Variants in LRRC3B observed in about 807,000 individuals in gnomAD.
LRRC3B encodes the protein leucine-rich repeat-containing protein 3B.
A neutral mutation model predicts 12.8 loss-of-function variants in LRRC3B; 2 were observed. The observed-to-expected ratio is 0.16, with a 90% CI of 0.06 to 0.49. The LOEUF (loss-of-function observed/expected upper bound fraction) is 0.49, where lower values mean the gene tolerates loss of function less well. Ranked by LOEUF, LRRC3B falls within the 20% of genes least tolerant of loss-of-function variation. The pLI, the probability that LRRC3B is intolerant of heterozygous loss-of-function variation, is 0.96. For synonymous variants in LRRC3B, 132 were observed against 122.0 expected (o/e 1.08, Z -0.54); for missense variants, 189 against 319.4 (o/e 0.59, Z 3.11).
intron 1 of LRRC3B, among the ~76,000 whole-genome samples, chr3:26,653,626 A>G (rs1699310344): frequency 1.3e-5 from 2 of 152,176 alleles, no homozygotes; most frequent in African/African-American, 4.8e-5. Flanking sequence ...CAGTAAGATA[A>G]CCTGAAGTCT....
At chr3:26,646,799 G>T (rs1312178761) in intron 1 of LRRC3B, among the ~76,000 whole-genome samples, 1 of 152,078 alleles carries the variant, frequency 6.6e-6, no homozygotes, top group Middle Eastern at 3.4e-3. Flanking sequence ...CAGATGGTAG[G>T]GTGTGGGTGA....
intron 1 of LRRC3B, among the ~76,000 whole-genome samples, chr3:26,691,184 G>A (rs547170631): frequency 7.5e-4 from 108 of 144,276 alleles, no homozygotes; most frequent in Admixed American, 9.3e-4. Context: ...ATGATCTCCC[G>A]TGTGATCATT....
intron 1 of LRRC3B, among the ~76,000 whole-genome samples, chr3:26,697,959 A>G (rs947991055): frequency 2.0e-5 from 3 of 152,268 alleles, no homozygotes; most frequent in Admixed American, 6.5e-5. Context: ...TGATTTACCT[A>G]TGTCTCTGAA....
At chr3:26,652,386 G>T (rs1235137213) in intron 1 of LRRC3B, among the ~76,000 whole-genome samples, 1 of 152,192 alleles carries the variant, frequency 6.6e-6, no homozygotes, top group Non-Finnish European at 1.5e-5. Flanking sequence ...TATGCTGCCG[G>T]GAAGTGTTAG....
At chr3:26,666,656 A>G (rs1164391948) in intron 1 of LRRC3B, among the ~76,000 whole-genome samples, 3 of 152,176 alleles carry the variant, frequency 2.0e-5, no homozygotes, top group Non-Finnish European at 4.4e-5. Context: ...TTCACATATT[A>G]TTCTGGTACA....
At chr3:26,696,958 C>G (rs1478272454) in intron 1 of LRRC3B, among the ~76,000 whole-genome samples, 1 of 152,110 alleles carries the variant, frequency 6.6e-6, no homozygotes, top group Non-Finnish European at 1.5e-5. Flanking sequence ...ATTGTTTTGA[C>G]TGTTTTAGAT....
At position 26,686,283 on chromosome 3, in the gene LRRC3B, G is replaced by A. The variant is rs1700087507; in HGVS notation, c.-160-23230G>A. 2.0e-5 allele frequency among the ~76,000 whole-genome samples: 3 copies of A among 152,256 alleles called. No homozygotes were observed. In the South Asian group the frequency reaches 6.2e-4, roughly 32 times the overall value. On this transcript the variant is annotated intron_variant, in intron 1 of 1. Transcript: ENST00000396641. ...TTTAGTAAAGATGGGGTTTCTCCATGTTAGCCAGGATTGTCTCGATCTCCT... is the reference window on the plus strand; with the variant it reads ...TTTAGTAAAGATGGGGTTTCTCCATATTAGCCAGGATTGTCTCGATCTCCT...
chr3:26,687,497 C>A (rs748157875), intron 1 of LRRC3B, among the ~76,000 whole-genome samples: 1 of 152,164 alleles, frequency 6.6e-6, no homozygotes, highest in African/African-American at 2.4e-5. Context: ...GGCACGCTGC[C>A]GCTGAGCATA....
intron 1 of LRRC3B, among the ~76,000 whole-genome samples, chr3:26,678,221 C>T (rs1427418532): frequency 4.6e-5 from 7 of 151,542 alleles, no homozygotes; most frequent in African/African-American, 9.7e-5. Flanking sequence ...TCACTGGGTG[C>T]GGTGGATCAT....
intron 1 of LRRC3B, among the ~76,000 whole-genome samples, chr3:26,691,105 G>GTGTATATATA (rs372629683): frequency 0.022 from 1,867 of 84,748 alleles, 93 homozygotes; most frequent in African/African-American, 0.072. Context: ...GTGTGTGTGT[G>GTGTATATATA]TATATATATA....
chr3:26,689,116 G>C (rs1018094445), intron 1 of LRRC3B, among the ~76,000 whole-genome samples: 1 of 152,160 alleles, frequency 6.6e-6, no homozygotes, highest in Admixed American at 6.5e-5. Flanking sequence ...TGAGCATGAG[G>C]AGCCCTTATA....
At chr3:26,700,687 C>G (rs1244209536) in intron 1 of LRRC3B, among the ~76,000 whole-genome samples, 1 of 152,084 alleles carries the variant, frequency 6.6e-6, no homozygotes, top group African/African-American at 2.4e-5. Flanking sequence ...TCCTTGTTTC[C>G]TATCTTAGTG....
chr3:26,693,718 G>T (rs1700243248), intron 1 of LRRC3B, among the ~76,000 whole-genome samples: 1 of 152,136 alleles, frequency 6.6e-6, no homozygotes, highest in African/African-American at 2.4e-5. Context: ...CTACTAAGAG[G>T]CTGAATGACA....
At chr3:26,710,416 A>G in exon 2 of LRRC3B, 1 of 1,613,336 alleles carries the variant, frequency 6.2e-7, no homozygotes, top group Middle Eastern at 1.7e-4. Context: ...GGCAGAAGAA[A>G]GCAGATGAAC....
intron 1 of LRRC3B, among the ~76,000 whole-genome samples, chr3:26,690,880 T>C (rs550621722): frequency 3.6e-4 from 55 of 152,032 alleles, no homozygotes; most frequent in African/African-American, 1.1e-3. Flanking sequence ...TATATGATTA[T>C]CTTACTGTTA....
intron 1 of LRRC3B, among the ~76,000 whole-genome samples, chr3:26,670,303 A>ATGTT (rs1458018294): frequency 5.3e-5 from 8 of 152,228 alleles, no homozygotes. Flanking sequence ...CATTAGTAGT[A>ATGTT]TGTTTCCAAA....
At chr3:26,636,978 C>CTCTT (rs1470866504) in intron 1 of LRRC3B, among the ~76,000 whole-genome samples, 5,927 of 86,336 alleles carry the variant, frequency 0.069, 285 homozygotes, top group Non-Finnish European at 0.097. Flanking sequence ...TTCTTTCTCT[C>CTCTT]TCTCTCTTTC....
intron 1 of LRRC3B, among the ~76,000 whole-genome samples, chr3:26,686,500 T>C (rs1194784313): frequency 6.6e-6 from 1 of 152,242 alleles, no homozygotes; most frequent in Non-Finnish European, 1.5e-5. Flanking sequence ...TCATAGCCTT[T>C]TTCTCTCCTG....
intron 1 of LRRC3B, among the ~76,000 whole-genome samples, chr3:26,671,432 G>A (rs7643748): frequency 0.22 from 19,437 of 89,210 alleles, 2,410 homozygotes; most frequent in Admixed American, 0.36. Context: ...TTGCTCTGTC[G>A]CCAGGCTGGA....
Sources: gnomAD v4.1 joint callset for allele counts (sites outside exome capture counted in the v4.1 genomes callset) on GRCh38, gnomAD v4.1.1 for gene constraint, MANE v1.5 for transcripts, NCBI Gene and HGNC (gene_info 2026-07-23, HGNC 2026-07-21) for gene names.